LYSMD2: variants seen among roughly 807,000 people sequenced by gnomAD.
LYSMD2 encodes the protein lysM and putative peptidoglycan-binding domain-containing protein 2.
A neutral mutation model predicts 17.7 loss-of-function variants in LYSMD2; 6 were observed. The ratio of observed to expected loss-of-function variants is 0.34; its 90% CI spans 0.19 to 0.67. The LOEUF (loss-of-function observed/expected upper bound fraction) is 0.67, where lower values mean the gene tolerates loss of function less well. Among genes scored for constraint, LYSMD2 ranks in the 30% least tolerant of loss-of-function variants. The probability of loss-of-function intolerance (pLI) is 0.69; values close to 1 mark genes in which losing one functional copy is unlikely to be tolerated. For missense variants in LYSMD2, 237 were observed against 286.7 expected (o/e 0.83, Z 1.25); for synonymous variants, 102 against 129.8 (o/e 0.79, Z 1.45).
chr15:51,751,364 G>A lies in LYSMD2; in HGVS notation c.-94C>T, dbSNP rs370965703. The stretch of plus-strand genomic sequence containing the variant: ...AAAGCCTTTGCCATCCACGCTCTCC[G>A]GAGCCCCGAGCGTCTCCAAAGAGCC... On this transcript the variant is annotated 5_prime_UTR_variant, in exon 1 of 3. Transcript: ENST00000454181. 8.1e-5 allele frequency: 57 copies of A among 702,450 alleles called. No homozygotes were observed. The African/African-American group carries it at 8.7e-4, about 11-fold the overall frequency. 43.5% of individuals were successfully genotyped at this position (702,450 alleles called of 1,614,324 possible).
intron 1 of LYSMD2, among the ~76,000 whole-genome samples, chr15:51,735,972 T>C (rs1158140342): frequency 2.0e-5 from 3 of 152,156 alleles, no homozygotes; most frequent in Non-Finnish European, 4.4e-5. Context: ...AAGACTAAGA[T>C]AAAAATAAGG....
chr15:51,728,262 T>C (rs888167771), intron 1 of LYSMD2, among the ~76,000 whole-genome samples: 7 of 151,412 alleles, frequency 4.6e-5, no homozygotes, highest in Non-Finnish European at 8.8e-5. Flanking sequence ...AAAAAAGAAA[T>C]ACAAAAATTA....
chr15:51,725,919 C>T (rs2055537121), intron 1 of LYSMD2, among the ~76,000 whole-genome samples: 1 of 151,970 alleles, frequency 6.6e-6, no homozygotes, highest in African/African-American at 2.4e-5. Context: ...TGTCTGACTC[C>T]GAAGTCCGTA....
chr15:51,746,742 C>T (rs188534889), intron 1 of LYSMD2, among the ~76,000 whole-genome samples: 2 of 152,160 alleles, frequency 1.3e-5, no homozygotes, highest in African/African-American at 4.8e-5. Context: ...CCCCACCACT[C>T]TACCCCGTCT....
intron 1 of LYSMD2, among the ~76,000 whole-genome samples, chr15:51,729,047 C>T (rs2055559230): frequency 6.6e-6 from 1 of 152,242 alleles, no homozygotes; most frequent in African/African-American, 2.4e-5. Flanking sequence ...CAAGCTATGG[C>T]TTAGGCCAAA....
intron 1 of LYSMD2, among the ~76,000 whole-genome samples, chr15:51,725,481 T>C (rs1419328718): frequency 6.6e-6 from 1 of 152,206 alleles, no homozygotes; most frequent in African/African-American, 2.4e-5. Flanking sequence ...CTGATTTTTT[T>C]TAAACTTACC....
intron 1 of LYSMD2, among the ~76,000 whole-genome samples, chr15:51,745,395 T>C (rs1290717999): frequency 1.3e-5 from 2 of 152,152 alleles, no homozygotes; most frequent in Non-Finnish European, 2.9e-5. Flanking sequence ...AGAAAGATTA[T>C]ATACCATGAC....
At chr15:51,728,591 G>A (rs1033135843) in intron 1 of LYSMD2, among the ~76,000 whole-genome samples, 2 of 151,754 alleles carry the variant, frequency 1.3e-5, no homozygotes, top group African/African-American at 2.4e-5. Flanking sequence ...GTTTCTCAGC[G>A]GGACACTGTG....
At chr15:51,729,843 C>T (rs1239746858) in intron 1 of LYSMD2, among the ~76,000 whole-genome samples, 2 of 152,236 alleles carry the variant, frequency 1.3e-5, no homozygotes, top group African/African-American at 4.8e-5. Context: ...TAAGAAAAGT[C>T]ATGATCCAAT....
intron 1 of LYSMD2, among the ~76,000 whole-genome samples, chr15:51,732,939 T>C (rs551707404): frequency 6.6e-6 from 1 of 152,352 alleles, no homozygotes; most frequent in South Asian, 2.1e-4. Context: ...GCCAGAGTGA[T>C]CGTTTTAATA....
chr15:51,751,192 C>A, intron 1 of LYSMD2: 1 of 694,206 alleles, frequency 1.4e-6, no homozygotes, highest in Non-Finnish European at 2.6e-6. Context: ...TCCTTCCCTC[C>A]CTAGGCTGCC....
chr15:51,732,752 A>G (rs1000523762), intron 1 of LYSMD2, among the ~76,000 whole-genome samples: 1 of 152,158 alleles, frequency 6.6e-6, no homozygotes, highest in Non-Finnish European at 1.5e-5. Context: ...CAAGCAGAAC[A>G]TTTACAGCAT....
At chr15:51,725,231 T>A (rs1187303872) in intron 1 of LYSMD2, 110 bp from the exon 2 acceptor site, 1 of 658,342 alleles carries the variant, frequency 1.5e-6, no homozygotes, top group Non-Finnish European at 2.5e-6. Context: ...ACACAATGCT[T>A]TCTTGGGATT....
chr15:51,723,089 T>C lies in LYSMD2; in HGVS notation c.*518A>G, dbSNP rs1478374637. On this transcript the variant is annotated 3_prime_UTR_variant, in exon 3 of 3. Transcript: ENST00000267838. ...TCAAGTTTGAAAACATAGTTTATTT[T>C]CTCATTCAGGCTTTTGTAGTTTATT... 6.6e-6 allele frequency: 1 copy of C among 152,058 alleles called. No homozygotes were observed. The highest frequency in any genetic ancestry group is 2.4e-5 in the African/African-American group (1 of 41,438). 9.4% of individuals were successfully genotyped at this position (152,058 alleles called of 1,614,324 possible).
At chr15:51,739,936 T>C (rs2055634714), upstream of LYSMD2, among the ~76,000 whole-genome samples, 1 of 152,002 alleles carries the variant, frequency 6.6e-6, no homozygotes, top group South Asian at 2.1e-4. Context: ...TTTTTTGTTT[T>C]GGTTTGGCTT....
At chr15:51,735,413 C>T (rs1157491692) in intron 1 of LYSMD2, among the ~76,000 whole-genome samples, 6 of 152,162 alleles carry the variant, frequency 3.9e-5, no homozygotes, top group Non-Finnish European at 8.8e-5. Flanking sequence ...GAGAGTGCTA[C>T]TGGCATCTAG....
At chr15:51,738,322 C>T (rs574945921), upstream of LYSMD2, among the ~76,000 whole-genome samples, 2 of 152,110 alleles carry the variant, frequency 1.3e-5, no homozygotes, top group African/African-American at 4.8e-5. Flanking sequence ...CCTAGTTGTT[C>T]GGGTTTCACA....
At chr15:51,733,081 A>G (rs1255555232) in intron 1 of LYSMD2, among the ~76,000 whole-genome samples, 2 of 152,156 alleles carry the variant, frequency 1.3e-5, no homozygotes, top group Admixed American at 1.3e-4. Flanking sequence ...ACTGCATTCT[A>G]AGCACCAGCC....
chr15:51,745,087 G>T (rs2055660814), intron 1 of LYSMD2, among the ~76,000 whole-genome samples: 8 of 152,068 alleles, frequency 5.3e-5, no homozygotes, highest in Admixed American at 3.9e-4. Context: ...AATCTGAATA[G>T]ACATAGGACA....
Sources: allele counts gnomAD v4.1 joint callset (sites outside exome capture counted in the v4.1 genomes callset), GRCh38; gene constraint gnomAD v4.1.1; transcripts MANE v1.5; gene names NCBI Gene and HGNC (gene_info 2026-07-23, HGNC 2026-07-21).